The following SH3BGR variants were observed in gnomAD, a reference collection of about 807,000 sequenced individuals.
SH3BGR encodes SH3 domain binding glutamate rich protein, also known as SH3 domain-binding glutamic acid-rich protein.
In SH3BGR, 29 loss-of-function variants were observed where a neutral mutation model predicts 24.5. The ratio of observed to expected loss-of-function variants is 1.18; its 90% CI spans 0.88 to 1.61. SH3BGR has a LOEUF of 1.61. SH3BGR is among the 40% of genes most tolerant of loss of function. The pLI is 0.00. For missense variants in SH3BGR, 162 were observed against 205.8 expected (o/e 0.79, Z 1.30); for synonymous variants, 55 against 65.7 (o/e 0.84, Z 0.79).
At chr21:39,471,140 G>A (rs1012070690) in intron 2 of SH3BGR, among the ~76,000 whole-genome samples, 29 of 148,846 alleles carry the variant, frequency 1.9e-4, no homozygotes, top group African/African-American at 6.7e-4. Context: ...CTTTCTCTTC[G>A]TCTTCTTCTT....
chr21:39,447,416 CTT>C (rs910615975), upstream of SH3BGR, among the ~76,000 whole-genome samples: 4 of 114,700 alleles, frequency 3.5e-5, no homozygotes, highest in Admixed American at 9.8e-5. Flanking sequence ...TTCGCTTTTG[CTT>C]TTTTTTTTTT....
rs897145029 is a variant in SH3BGR at position 39,511,044 on chromosome 21, CAT to C, written c.436-633_436-632del. ...GGATTATAAAACCTGTTAGGATTAACATATCATTCTAAAGCACCATTCTAAAT... is the reference window on the plus strand; with the variant it reads ...GGATTATAAAACCTGTTAGGATTAACATCATTCTAAAGCACCATTCTAAAT... On this transcript the variant is annotated intron_variant, in intron 5 of 6. Coordinates refer to ENST00000333634, the MANE Select transcript of SH3BGR (RefSeq NM_007341.3). The surrounding 1 kb of genome is among the most constrained non-coding windows in gnomAD (Gnocchi z 4.2). Among the ~76,000 whole-genome samples the C allele has an allele frequency of 1.1e-4, 16 of 150,244 alleles. No homozygotes were observed. The Admixed American group carries it at 1.1e-3, about 10-fold the overall frequency.
intron 1 of SH3BGR, among the ~76,000 whole-genome samples, chr21:39,460,621 C>G (rs1402894201): frequency 1.3e-5 from 2 of 151,930 alleles, no homozygotes; most frequent in Non-Finnish European, 2.9e-5. Flanking sequence ...AGGCGCATGC[C>G]ACCACGCCCG....
chr21:39,478,699 T>C (rs1417946438), intron 3 of SH3BGR, among the ~76,000 whole-genome samples: 1 of 152,110 alleles, frequency 6.6e-6, no homozygotes, highest in African/African-American at 2.4e-5. Context: ...TTTCTTATCT[T>C]TTCTCTCCCA....
At chr21:39,479,465 T>C (rs1366829393) in intron 3 of SH3BGR, among the ~76,000 whole-genome samples, 1 of 146,510 alleles carries the variant, frequency 6.8e-6, no homozygotes, top group Non-Finnish European at 1.5e-5. Context: ...GGTGGTGATG[T>C]TGGTGTTGGT....
intron 1 of SH3BGR, among the ~76,000 whole-genome samples, chr21:39,456,006 T>C (rs2077649515): frequency 6.6e-6 from 1 of 152,250 alleles, no homozygotes. Flanking sequence ...AAGCATGGTC[T>C]TCCCCTCCCA....
At chr21:39,502,323 C>T (rs983205708) in intron 4 of SH3BGR, among the ~76,000 whole-genome samples, 3 of 152,160 alleles carry the variant, frequency 2.0e-5, no homozygotes, top group African/African-American at 4.8e-5. Context: ...AAGTATGAGA[C>T]ACATCCTAGT....
intron 5 of SH3BGR, among the ~76,000 whole-genome samples, chr21:39,510,982 G>A (rs2078681896): frequency 7.0e-6 from 1 of 143,852 alleles, no homozygotes; most frequent in Admixed American, 7.1e-5. Flanking sequence ...TGCTGAGAAT[G>A]GTTTGTTAAT....
At chr21:39,466,548 CA>C (rs1231998979) in intron 2 of SH3BGR, among the ~76,000 whole-genome samples, 1 of 152,214 alleles carries the variant, frequency 6.6e-6, no homozygotes, top group Non-Finnish European at 1.5e-5. Context: ...TTAATTGACT[CA>C]CAGTTCAGCA....
intron 1 of SH3BGR, among the ~76,000 whole-genome samples, chr21:39,446,286 G>A (rs927227320): frequency 6.6e-6 from 1 of 152,096 alleles, no homozygotes; most frequent in Non-Finnish European, 1.5e-5. Context: ...AGATGATGGA[G>A]TTATAGATGT....
At chr21:39,473,294 TA>T (rs1430371327) in intron 2 of SH3BGR, among the ~76,000 whole-genome samples, 1 of 152,196 alleles carries the variant, frequency 6.6e-6, no homozygotes, top group East Asian at 1.9e-4. Context: ...TTCAGAACTT[TA>T]TATATGGAAT....
intron 2 of SH3BGR, among the ~76,000 whole-genome samples, chr21:39,463,087 TTGCCCAGGC>T (rs1186285862): frequency 6.6e-6 from 1 of 152,176 alleles, no homozygotes; most frequent in Non-Finnish European, 1.5e-5. Context: ...TCTCCCTATG[TTGCCCAGGC>T]TGCTCTGGAA....
chr21:39,482,082 C>T (rs2078138942), intron 3 of SH3BGR, among the ~76,000 whole-genome samples: 3 of 152,204 alleles, frequency 2.0e-5, no homozygotes, highest in South Asian at 2.1e-4. Flanking sequence ...CTGTTGCAAA[C>T]GTGAAGTCCA....
chr21:39,506,542 A>G (rs1011777199), intron 4 of SH3BGR, among the ~76,000 whole-genome samples: 2 of 152,230 alleles, frequency 1.3e-5, no homozygotes, highest in Non-Finnish European at 2.9e-5. Flanking sequence ...CCTCACAATC[A>G]TGGCAGAAGG....
chr21:39,513,612 C>G (rs559362521), intron 6 of SH3BGR, among the ~76,000 whole-genome samples: 1 of 152,164 alleles, frequency 6.6e-6, no homozygotes, highest in East Asian at 1.9e-4. Context: ...GCTCTGGACC[C>G]ACAGACTTCT....
chr21:39,448,421 G>C (rs754233011), upstream of SH3BGR, among the ~76,000 whole-genome samples: 1 of 152,000 alleles, frequency 6.6e-6, no homozygotes, highest in Non-Finnish European at 1.5e-5. Context: ...ATCATCTGGG[G>C]GTCTCTATGA....
chr21:39,490,683 A>G (rs937327228), intron 3 of SH3BGR, among the ~76,000 whole-genome samples: 18 of 148,938 alleles, frequency 1.2e-4, no homozygotes, highest in African/African-American at 4.4e-4. Context: ...TCAACTTCCT[A>G]TGTCTTTGTT....
At chr21:39,510,468 C>CAA (rs2078667344) in intron 5 of SH3BGR, among the ~76,000 whole-genome samples, 5 of 143,490 alleles carry the variant, frequency 3.5e-5, no homozygotes, top group Admixed American at 3.4e-4. Context: ...TAGCTACACA[C>CAA]ACACACACAC....
rs1314382341 is a variant in SH3BGR, at chr21:39,452,147, T to C, written c.45+6T>C. 2.5e-6 allele frequency: 4 copies of C among 1,614,028 alleles called. No individual in the cohort carries two copies. Among genetic ancestry groups the C allele is most frequent in the Non-Finnish European group, 3.4e-6 (4 of 1,180,022 alleles). On this transcript the variant is annotated splice_donor_region_variant and intron_variant, in intron 1 of 6. Coordinates refer to ENST00000333634, the MANE Select transcript of SH3BGR (RefSeq NM_007341.3). ...CATCTTCTGGGTCCATAGCGGTAGGTGTCTGGTGGACTCTTTCTTCCTATA... is the reference window on the plus strand; with the variant it reads ...CATCTTCTGGGTCCATAGCGGTAGGCGTCTGGTGGACTCTTTCTTCCTATA...
Sources: allele counts gnomAD v4.1 joint callset (sites outside exome capture counted in the v4.1 genomes callset), GRCh38; gene constraint gnomAD v4.1.1; non-coding constraint Gnocchi (gnomAD v3.1); transcripts MANE v1.5; gene names NCBI Gene and HGNC (gene_info 2026-07-23, HGNC 2026-07-21).